The following THSD7B variants were observed in gnomAD, a reference collection of about 807,000 sequenced individuals.
THSD7B encodes thrombospondin type 1 domain containing 7B, also known as thrombospondin type-1 domain-containing protein 7B.
A neutral mutation model predicts 213.6 loss-of-function variants in THSD7B; 138 were observed. That is an observed-to-expected ratio of 0.65 (90% confidence interval 0.56 to 0.74). THSD7B has a LOEUF of 0.74. Ranked by LOEUF, THSD7B falls within the 30% of genes least tolerant of loss-of-function variation. The pLI is 0.00. For missense variants in THSD7B, 1,931 were observed against 1,991.5 expected (o/e 0.97, Z 0.58); for synonymous variants, 742 against 687.0 (o/e 1.08, Z -1.25).
chr2:137,506,449 C>T (rs1388865656), intron 15 of THSD7B, among the ~76,000 whole-genome samples: 1 of 152,184 alleles, frequency 6.6e-6, no homozygotes, highest in African/African-American at 2.4e-5. Flanking sequence ...ATTCTTGATT[C>T]TATGCTAATG....
At chr2:137,272,715 A>G in intron 11 of THSD7B, 53 bp downstream of exon 11, 1 of 1,568,530 alleles carries the variant, frequency 6.4e-7, no homozygotes, top group East Asian at 2.3e-5. Context: ...ATTATAACCT[A>G]TTTTCTTTCA....
chr2:137,206,733 G>T (rs13397636), intron 7 of THSD7B, among the ~76,000 whole-genome samples: 90,319 of 151,822 alleles, frequency 0.59, 27,249 homozygotes, highest in South Asian at 0.71. Flanking sequence ...CTGAGTAAGG[G>T]CGAGGATGCA....
chr2:137,329,365 ATTTC>A (rs1201157098), intron 12 of THSD7B, among the ~76,000 whole-genome samples: 1 of 152,074 alleles, frequency 6.6e-6, no homozygotes, highest in African/African-American at 2.4e-5. Context: ...GGTAGAAGAA[ATTTC>A]TTTGTTTGTT....
At chr2:137,005,410 T>G (rs1176706884) in intron 2 of THSD7B, among the ~76,000 whole-genome samples, 2 of 152,222 alleles carry the variant, frequency 1.3e-5, no homozygotes, top group African/African-American at 2.4e-5. Context: ...TGCATTGCCA[T>G]CAGTGAAACG....
chr2:137,174,681 G>A (rs1249773288), intron 7 of THSD7B, among the ~76,000 whole-genome samples: 3 of 152,138 alleles, frequency 2.0e-5, no homozygotes, highest in Non-Finnish European at 4.4e-5. Context: ...TTATTTTCAA[G>A]AGGTAAATTG....
intron 15 of THSD7B, chr2:137,538,371 C>G (rs542150948): frequency 2.4e-6 from 1 of 417,226 alleles, no homozygotes; most frequent in East Asian, 6.6e-5. Flanking sequence ...TTTGAATGAT[C>G]AGGGGAAAGG....
chr2:136,767,048 G>A (rs1024219470), intron 1 of THSD7B, among the ~76,000 whole-genome samples: 1 of 152,028 alleles, frequency 6.6e-6, no homozygotes, highest in Non-Finnish European at 1.5e-5. Flanking sequence ...CTTTTGACAG[G>A]TAATCTTTGG....
chr2:137,333,717 C>T (rs1461389195), intron 12 of THSD7B, among the ~76,000 whole-genome samples: 1 of 152,232 alleles, frequency 6.6e-6, no homozygotes. Flanking sequence ...CAGGCACTTT[C>T]TCTTCACTCC....
rs1258312891 is a variant in THSD7B at position 137,612,025 on chromosome 2, A to C, written c.3424-4150A>C. Among the ~76,000 whole-genome samples, 5 of 152,226 alleles carry C rather than the reference A, an allele frequency of 3.3e-5. No homozygotes were observed. The East Asian group carries it at 7.7e-4, about 23-fold the overall frequency. ...GAAAAATTTTCAAGGAGACCAAGTG[A>C]TGCATATAGATAATAAATTAATAAC... is the stretch of plus-strand genomic sequence containing the variant. On this transcript the variant is annotated intron_variant, in intron 17 of 27. Transcript: ENST00000409968.
intron 2 of THSD7B, among the ~76,000 whole-genome samples, chr2:136,928,132 C>T (rs62172344): frequency 0.1 from 15,421 of 152,190 alleles, 1,021 homozygotes; most frequent in East Asian, 0.15. Context: ...ATGCTTATAA[C>T]ACACCTAACC....
intron 2 of THSD7B, among the ~76,000 whole-genome samples, chr2:136,888,458 G>T (rs1236807267): frequency 6.6e-6 from 1 of 151,992 alleles, no homozygotes; most frequent in Admixed American, 6.6e-5. Context: ...TATATTAAAG[G>T]TTAGGAATTT....
At chr2:137,514,640 T>A (rs1163276764) in intron 15 of THSD7B, among the ~76,000 whole-genome samples, 1 of 152,214 alleles carries the variant, frequency 6.6e-6, no homozygotes, top group Admixed American at 6.5e-5. Context: ...GACAAAGTTC[T>A]TTTGTTGATT....
chr2:136,962,752 C>G (rs1685244099), intron 2 of THSD7B, among the ~76,000 whole-genome samples: 1 of 152,148 alleles, frequency 6.6e-6, no homozygotes, highest in African/African-American at 2.4e-5. Context: ...ATTGAAAGCA[C>G]TACAGAAAAT....
intron 2 of THSD7B, among the ~76,000 whole-genome samples, chr2:137,008,941 A>T (rs1384047172): frequency 6.6e-6 from 1 of 152,194 alleles, no homozygotes; most frequent in African/African-American, 2.4e-5. Context: ...ATAAAGGTTG[A>T]TATAAAAATG....
At chr2:137,142,836 A>G (rs1679617189) in intron 5 of THSD7B, among the ~76,000 whole-genome samples, 1 of 152,004 alleles carries the variant, frequency 6.6e-6, no homozygotes, top group South Asian at 2.1e-4. Context: ...TTGTTTTCTT[A>G]TTTGTTTTGA....
At chr2:136,913,185 C>A (rs35414386) in intron 2 of THSD7B, among the ~76,000 whole-genome samples, 4 of 152,094 alleles carry the variant, frequency 2.6e-5, no homozygotes, top group African/African-American at 7.2e-5. Flanking sequence ...AAGAGACTAT[C>A]GGCATTTTGC....
intron 7 of THSD7B, among the ~76,000 whole-genome samples, chr2:137,230,107 GTTA>G (rs1187066003): frequency 6.6e-6 from 1 of 152,186 alleles, no homozygotes. Context: ...TAAGAGTTGA[GTTA>G]TTATCTATAA....
intron 12 of THSD7B, among the ~76,000 whole-genome samples, chr2:137,289,118 G>A (rs563428712): frequency 5.9e-5 from 9 of 151,452 alleles, no homozygotes; most frequent in East Asian, 3.9e-4. Context: ...TTCAAACCTC[G>A]GAAGACAGCA....
chr2:137,276,085 C>A, intron 12 of THSD7B, 59 bp downstream of exon 12: 2 of 1,203,992 alleles, frequency 1.7e-6, no homozygotes, highest in Non-Finnish European at 2.4e-6. Context: ...TTATGTAACT[C>A]ATATGTGTTG....
Sources: gnomAD v4.1 joint callset for allele counts (sites outside exome capture counted in the v4.1 genomes callset) on GRCh38, gnomAD v4.1.1 for gene constraint, MANE v1.5 for transcripts, NCBI Gene and HGNC (gene_info 2026-07-23, HGNC 2026-07-21) for gene names.